SRPK1: variants seen among roughly 807,000 people sequenced by gnomAD.
SRPK1 encodes SFRS protein kinase 1.
Under a neutral mutation model 89.5 loss-of-function variants are expected in SRPK1, and 52 were observed. That is an observed-to-expected ratio of 0.58 (90% confidence interval 0.46 to 0.73). The LOEUF (loss-of-function observed/expected upper bound fraction) is 0.73, where lower values mean the gene tolerates loss of function less well. SRPK1 is among the 30% of genes least tolerant of loss of function. The pLI is 0.00. For missense variants in SRPK1, 603 were observed against 780.6 expected (o/e 0.77, Z 2.71); for synonymous variants, 255 against 270.2 (o/e 0.94, Z 0.55).
At chr6:35,845,720 G>A (rs938474411) in intron 13 of SRPK1, among the ~76,000 whole-genome samples, 1 of 152,164 alleles carries the variant, frequency 6.6e-6, no homozygotes. Context: ...AGGAGTTTCA[G>A]GTAAGAGCTG....
At chr6:35,855,457 G>A (rs745465182) in intron 13 of SRPK1, among the ~76,000 whole-genome samples, 30 of 152,142 alleles carry the variant, frequency 2.0e-4, no homozygotes, top group Non-Finnish European at 3.5e-4. Flanking sequence ...AAAACAGGTT[G>A]GAATTGTTAT....
intron 2 of SRPK1, among the ~76,000 whole-genome samples, chr6:35,913,562 G>T (rs1771018998): frequency 2.0e-5 from 3 of 152,070 alleles, no homozygotes; most frequent in South Asian, 4.1e-4. Context: ...ACTTTGGGAG[G>T]CCAGGGTAGG....
intron 6 of SRPK1, among the ~76,000 whole-genome samples, chr6:35,884,196 T>A (rs1004841210): frequency 1.3e-5 from 2 of 152,004 alleles, no homozygotes; most frequent in African/African-American, 4.8e-5. Flanking sequence ...AAAAAAAGTA[T>A]CCTAAAGACA....
intron 2 of SRPK1, among the ~76,000 whole-genome samples, chr6:35,915,991 A>AAAAATAG (rs1433969114): frequency 1.2e-5 from 1 of 86,292 alleles, no homozygotes; most frequent in African/African-American, 6.4e-5. Flanking sequence ...AAAAAAAAAA[A>AAAAATAG]ATATATACAC....
intron 2 of SRPK1, 40 bp downstream of exon 2, chr6:35,920,428 G>A (rs763868706): frequency 2.7e-5 from 43 of 1,607,676 alleles, no homozygotes; most frequent in Admixed American, 1.2e-4. Flanking sequence ...AGGTGCCGGA[G>A]GAAAATCCAA....
chr6:35,840,765 G>T lies in SRPK1; in HGVS notation c.1690+1770C>A, dbSNP rs533587254. Among the ~76,000 whole-genome samples the T allele has an allele frequency of 3.4e-4, 52 of 152,290 alleles. No homozygotes were observed. In the South Asian group the frequency reaches 9.5e-3, roughly 28 times the overall value. On this transcript the variant is annotated intron_variant, in intron 14 of 15. Transcript: ENST00000373825. ...ACAAACTATGCACACACTAGTCAGG[G>T]GTAAGGGTTTGCTTGTTCCTGCTCT... is the stretch of plus-strand genomic sequence containing the variant.
chr6:35,882,826 C>T (rs894305952), intron 6 of SRPK1, among the ~76,000 whole-genome samples: 6 of 151,796 alleles, frequency 4.0e-5, no homozygotes, highest in South Asian at 4.2e-4. Context: ...TTTCCCCACC[C>T]GAGATGGAGT....
Position 35,921,080 on chromosome 6 carries a change from G to T in SRPK1, c.-24C>A, listed in dbSNP as rs1383428637. ...ATGGTGAGACCGGTAATCGCCAGGC[G>T]CCTGCGCACTCGAGTGGCGGCGACT... is the stretch of plus-strand genomic sequence containing the variant. On this transcript the variant is annotated 5_prime_UTR_variant, in exon 1 of 16. Coordinates refer to ENST00000373825, the MANE Select transcript of SRPK1 (RefSeq NM_003137.5). 7 of 1,505,112 alleles carry T rather than the reference G, an allele frequency of 4.7e-6. No individual in the cohort carries two copies. In the East Asian group the frequency reaches 1.1e-4, roughly 24 times the overall value. 93.2% of individuals were successfully genotyped at this position (1,505,112 alleles called of 1,614,324 possible). A position where few individuals can be genotyped will look rare whatever the true frequency, so the allele number is the denominator to read the frequency against.
intron 7 of SRPK1, 106 bp downstream of exon 7, chr6:35,874,127 T>C: frequency 9.9e-7 from 1 of 1,007,512 alleles, no homozygotes; most frequent in East Asian, 2.7e-5. Context: ...ACACCCGGCC[T>C]TAAAACAAAA....
rs1180728195 is a variant in SRPK1, at chr6:35,838,483, T to C, written c.1691-54A>G. On this transcript the variant is annotated intron_variant, in intron 14 of 15. Transcript: ENST00000373825. ...GGAAAAAAAAGATCCGTAACAAGAG[T>C]AACAAATGCAGCTCTAGAAAACAGC... 5.9e-5 allele frequency: 86 copies of C among 1,462,032 alleles called. 3 individuals carry two copies. In the South Asian group the frequency reaches 1.0e-3, roughly 17 times the overall value. 90.6% of individuals were successfully genotyped at this position (1,462,032 alleles called of 1,614,324 possible). A position where few individuals can be genotyped will look rare whatever the true frequency, so the allele number is the denominator to read the frequency against.
chr6:35,920,360 T>A (rs1771206304), intron 2 of SRPK1, 108 bp downstream of exon 2: 1 of 1,258,328 alleles, frequency 7.9e-7, no homozygotes, highest in Admixed American at 1.7e-5. Context: ...GCCATGTGGC[T>A]GCAGCCACAG....
chr6:35,885,748 A>G (rs770281360), intron 6 of SRPK1, among the ~76,000 whole-genome samples: 9 of 152,222 alleles, frequency 5.9e-5, no homozygotes, highest in Non-Finnish European at 1.3e-4. Context: ...CTTTTACTGA[A>G]AAATCTGATT....
chr6:35,868,918 T>C (rs542436569), intron 12 of SRPK1, 92 bp downstream of exon 12: 2 of 943,832 alleles, frequency 2.1e-6, no homozygotes, highest in East Asian at 2.5e-5. Flanking sequence ...TCAATCTGGG[T>C]ACAGAATTAT....
intron 12 of SRPK1, among the ~76,000 whole-genome samples, chr6:35,867,341 A>C (rs1283237402): frequency 6.6e-6 from 1 of 152,156 alleles, no homozygotes; most frequent in Non-Finnish European, 1.5e-5. Flanking sequence ...CCACATTCTT[A>C]TTAGTCAGTG....
intron 2 of SRPK1, among the ~76,000 whole-genome samples, chr6:35,895,502 C>T (rs1770611269): frequency 6.6e-6 from 1 of 151,688 alleles, no homozygotes; most frequent in Non-Finnish European, 1.5e-5. Context: ...ACTCCCACAG[C>T]CCTTGTTAGT....
rs909774374 is a variant in SRPK1, at chr6:35,891,067, T to A, written c.75-54A>T. 6 of 1,516,338 alleles carry A rather than the reference T, an allele frequency of 4.0e-6. No individual in the cohort carries two copies. The African/African-American group carries it at 8.4e-5, about 21-fold the overall frequency. The allele number at this position is 1,516,338 out of a possible 1,614,324, so 93.9% of individuals were successfully genotyped here. A position where few individuals can be genotyped will look rare whatever the true frequency, so the allele number is the denominator to read the frequency against. On this transcript the variant is annotated intron_variant, in intron 2 of 15. Coordinates refer to ENST00000373825, the MANE Select transcript of SRPK1 (RefSeq NM_003137.5). ...CATTTGGACAGAAGAAAATAAGACATTATCAAATGCTGCCCTCCCCACAAA... is the reference window on the plus strand; with the variant it reads ...CATTTGGACAGAAGAAAATAAGACAATATCAAATGCTGCCCTCCCCACAAA...
intron 3 of SRPK1, among the ~76,000 whole-genome samples, chr6:35,889,648 A>G (rs1416410236): frequency 1.3e-5 from 2 of 152,026 alleles, no homozygotes; most frequent in African/African-American, 4.8e-5. Context: ...GGCCAGTGTC[A>G]TGGTGCATGC....
chr6:35,837,494 T>C (rs1380281138), intron 15 of SRPK1, among the ~76,000 whole-genome samples: 1 of 152,220 alleles, frequency 6.6e-6, no homozygotes, highest in Non-Finnish European at 1.5e-5. Flanking sequence ...GAGGCACAGT[T>C]AGATCCTGTC....
At chr6:35,891,837 T>C (rs1183458051) in intron 2 of SRPK1, among the ~76,000 whole-genome samples, 2 of 152,130 alleles carry the variant, frequency 1.3e-5, no homozygotes, top group Non-Finnish European at 2.9e-5. Flanking sequence ...CTACTAAAAA[T>C]ATAGTTGTTG....
Sources: gnomAD v4.1 joint callset for allele counts (sites outside exome capture counted in the v4.1 genomes callset) on GRCh38, gnomAD v4.1.1 for gene constraint, MANE v1.5 for transcripts, NCBI Gene and HGNC (gene_info 2026-07-23, HGNC 2026-07-21) for gene names.